Variants in ERC2 observed in about 807,000 individuals in gnomAD.
The protein encoded by ERC2 is ERC protein 2.
A neutral mutation model predicts 114.8 loss-of-function variants in ERC2; 42 were observed. That is an observed-to-expected ratio of 0.37 (90% CI 0.29 to 0.47). The LOEUF (loss-of-function observed/expected upper bound fraction) is 0.47. Ranked by LOEUF, ERC2 falls within the 20% of genes least tolerant of loss-of-function variation. The probability of loss-of-function intolerance (pLI) is 0.99; values close to 1 mark genes in which losing one functional copy is unlikely to be tolerated. For missense variants in ERC2, 939 were observed against 1,150.7 expected (o/e 0.82, Z 2.66); for synonymous variants, 454 against 425.5 (o/e 1.07, Z -0.82).
At chr3:55,555,148 A>T (rs185102666) in intron 17 of ERC2, among the ~76,000 whole-genome samples, 63 of 152,332 alleles carry the variant, frequency 4.1e-4, no homozygotes, top group African/African-American at 1.4e-3. Flanking sequence ...TGCTAAAAGG[A>T]CCATAAAGGG....
chr3:56,219,673 C>T (rs1246244692), intron 3 of ERC2, among the ~76,000 whole-genome samples: 7 of 38,200 alleles, frequency 1.8e-4, no homozygotes, highest in Admixed American at 3.2e-4. Context: ...GGCTCAAGTG[C>T]GAAAAAAAAA....
chr3:56,102,761 A>G (rs1023048063), intron 6 of ERC2, among the ~76,000 whole-genome samples: 4 of 152,178 alleles, frequency 2.6e-5, no homozygotes, highest in Admixed American at 6.5e-5. Context: ...CTGCAACCCC[A>G]ATTTCTTCTT....
chr3:55,853,040 G>A (rs562127194), intron 14 of ERC2, among the ~76,000 whole-genome samples: 3 of 152,216 alleles, frequency 2.0e-5, no homozygotes, highest in South Asian at 2.1e-4. Flanking sequence ...TTTTAACAAC[G>A]AAAAATGTCT....
intron 17 of ERC2, among the ~76,000 whole-genome samples, chr3:55,579,885 C>T (rs902627353): frequency 6.6e-6 from 1 of 152,208 alleles, no homozygotes. Flanking sequence ...AGGCAATATA[C>T]TGTTACATTT....
intron 17 of ERC2, among the ~76,000 whole-genome samples, chr3:55,560,823 A>G (rs1427028000): frequency 1.2e-4 from 19 of 152,216 alleles, no homozygotes; most frequent in Admixed American, 1.2e-3. Context: ...AATCTTACCA[A>G]CCTAGGTTAG....
Position 55,709,334 on chromosome 3 carries a change from C to G in ERC2, c.2713-9822G>C, listed in dbSNP as rs145979277. Among the ~76,000 whole-genome samples the G allele has an allele frequency of 4.1e-4, 63 of 152,084 alleles. 2 individuals are homozygous for G. The highest frequency in any genetic ancestry group is 1.3e-3 in the African/African-American group (54 of 41,516). On this transcript the variant is annotated intron_variant, in intron 15 of 17. Transcript: ENST00000288221. ...ATTCACAGGGAGTAAATGAACTGCT[C>G]AACAGTTACATATTTACTCTAAAAT...
intron 3 of ERC2, among the ~76,000 whole-genome samples, chr3:56,240,621 A>C (rs76230523): frequency 0.028 from 4,219 of 152,284 alleles, 103 homozygotes; most frequent in South Asian, 0.04. Context: ...AGAAAAGAAA[A>C]TCTTGTAATA....
At chr3:56,329,535 C>A (rs1268424988) in intron 2 of ERC2, among the ~76,000 whole-genome samples, 1 of 152,184 alleles carries the variant, frequency 6.6e-6, no homozygotes, top group Non-Finnish European at 1.5e-5. Flanking sequence ...TCAAAGGAAA[C>A]TACTTCACCA....
At chr3:55,580,312 G>T (rs1354613286) in intron 17 of ERC2, among the ~76,000 whole-genome samples, 1 of 151,720 alleles carries the variant, frequency 6.6e-6, no homozygotes, top group East Asian at 1.9e-4. Flanking sequence ...AGAGGCGAAA[G>T]AATAAAGGCT....
At chr3:55,753,050 C>T (rs1304617120) in intron 14 of ERC2, among the ~76,000 whole-genome samples, 1 of 152,096 alleles carries the variant, frequency 6.6e-6, no homozygotes, top group Non-Finnish European at 1.5e-5. Flanking sequence ...AGTTGCTAAC[C>T]AAGTCCATGG....
intron 14 of ERC2, among the ~76,000 whole-genome samples, chr3:55,837,532 C>T (rs1199166050): frequency 1.4e-5 from 2 of 144,630 alleles, no homozygotes; most frequent in Non-Finnish European, 1.5e-5. Flanking sequence ...CATGTTCTCA[C>T]TCATAGGTGG....
intron 17 of ERC2, among the ~76,000 whole-genome samples, chr3:55,653,150 G>T (rs752122780): frequency 2.0e-5 from 3 of 152,114 alleles, no homozygotes; most frequent in Non-Finnish European, 2.9e-5. Flanking sequence ...ATATAGAAGT[G>T]ACATCTTTAG....
chr3:55,963,838 G>A (rs1004158817), intron 12 of ERC2, among the ~76,000 whole-genome samples: 3 of 152,196 alleles, frequency 2.0e-5, no homozygotes, highest in African/African-American at 7.2e-5. Context: ...ACATTCCGCA[G>A]TCTGGCCAGA....
intron 3 of ERC2, among the ~76,000 whole-genome samples, chr3:56,192,909 C>A (rs377686065): frequency 6.6e-6 from 1 of 152,134 alleles, no homozygotes; most frequent in Non-Finnish European, 1.5e-5. Context: ...TCCATAAGGT[C>A]TCCCACTAAG....
intron 3 of ERC2, among the ~76,000 whole-genome samples, chr3:56,259,480 G>A (rs2150256203): frequency 6.6e-6 from 1 of 152,138 alleles, no homozygotes; most frequent in East Asian, 1.9e-4. Context: ...GAAAAATTGA[G>A]CAGAATCAAA....
chr3:56,187,623 C>T (rs1268155862), intron 3 of ERC2, among the ~76,000 whole-genome samples: 6 of 152,078 alleles, frequency 3.9e-5, no homozygotes, highest in Admixed American at 6.5e-5. Flanking sequence ...GGAATTAAGA[C>T]GGAATGGCTG....
intron 3 of ERC2, among the ~76,000 whole-genome samples, chr3:56,265,548 G>A (rs1014145219): frequency 6.6e-6 from 1 of 152,134 alleles, no homozygotes; most frequent in Non-Finnish European, 1.5e-5. Context: ...TTGTAGCAAT[G>A]ATTTCTCAGA....
intron 3 of ERC2, among the ~76,000 whole-genome samples, chr3:56,251,631 C>T (rs2052161339): frequency 6.6e-6 from 1 of 152,270 alleles, no homozygotes; most frequent in Middle Eastern, 3.4e-3. Context: ...TAAGAAGAAA[C>T]TTAGTTCAGT....
chr3:56,145,628 G>C (rs1241969906), intron 5 of ERC2, among the ~76,000 whole-genome samples: 1 of 152,164 alleles, frequency 6.6e-6, no homozygotes, highest in Non-Finnish European at 1.5e-5. Context: ...CAATGTTCAT[G>C]TGCCAAAGGA....
Sources: allele counts gnomAD v4.1 joint callset (sites outside exome capture counted in the v4.1 genomes callset), GRCh38; gene constraint gnomAD v4.1.1; transcripts MANE v1.5; gene names NCBI Gene and HGNC (gene_info 2026-07-23, HGNC 2026-07-21).